RASEF: variants seen among roughly 807,000 people sequenced by gnomAD.
RASEF encodes the protein ras and EF-hand domain-containing protein.
Under a neutral mutation model 90.1 loss-of-function variants are expected in RASEF, and 68 were observed. The observed-to-expected ratio is 0.75, with a 90% CI of 0.62 to 0.92. RASEF has a LOEUF of 0.92. Among genes scored for constraint, RASEF ranks in the 40% least tolerant of loss-of-function variants. The probability of loss-of-function intolerance (pLI) is 0.00; values close to 1 mark genes in which losing one functional copy is unlikely to be tolerated. For synonymous variants in RASEF, 331 were observed against 345.2 expected, an observed-to-expected ratio of 0.96 and a Z score of 0.46; for missense variants, 949 against 937.2, an observed-to-expected ratio of 1.01 and a Z score of -0.16.
the RASEF span, among the ~76,000 whole-genome samples, chr9:83,206,690 G>A: frequency 2.2e-3 from 334 of 152,332 alleles, 4 homozygotes; most frequent in South Asian, 6.0e-3. Flanking sequence ...GCGAGTACGT[G>A]ATGAAGCCAG....
chr9:83,022,361 G>A lies in RASEF; in HGVS notation c.644C>T (p.Ala215Val). 1 of 1,613,946 alleles carries A rather than the reference G, an allele frequency of 6.2e-7. No homozygotes were observed. The change falls in exon 3 of 17, where the codon GCT becomes GTT. Residue 215 changes from alanine (A) to valine (V), a missense_variant. Ala to Val is a moderately conservative substitution (Grantham distance 64). This residue lies in a region of RASEF where 656 missense variants were observed against 592.2 expected (regional missense o/e 1.11). Transcript: ENST00000376447. ...GTCTTTCCGTGTCTTATGTTCTGCA[G>A]CCTGAATCCTCTGATCCATTTCCTC... ...LEEEMDQRIQAAEHKTRKDEK... is the reference protein window; with the variant it reads ...LEEEMDQRIQVAEHKTRKDEK...
At position 83,062,444 on chromosome 9, in the gene RASEF, T is replaced by TG; in HGVS notation, c.423dup (p.Ile142HisfsTer8). 1 of 1,612,862 alleles carries TG rather than the reference T, an allele frequency of 6.2e-7. No homozygotes were observed. The highest frequency in any genetic ancestry group is 8.5e-7 in the Non-Finnish European group (1 of 1,179,612). On this transcript the variant is annotated frameshift_variant, in exon 1 of 17. Coordinates refer to ENST00000376447, the MANE Select transcript of RASEF (RefSeq NM_152573.4). LOFTEE classifies it high-confidence loss of function. The stretch of plus-strand genomic sequence containing the variant: ...CCCAGCTCACACTCGCACCTGGGAA[T>TG]GAACTTGGCTTCGTCCCCAAGTCGC...
chr9:83,155,375 AG>A, the RASEF span, among the ~76,000 whole-genome samples: 2 of 152,162 alleles, frequency 1.3e-5, no homozygotes, highest in Non-Finnish European at 2.9e-5. Context: ...GAGGCCAGGG[AG>A]GCCTCACAAT....
chr9:83,022,255 A>C, intron 3 of RASEF, 81 bp downstream of exon 3: 1 of 1,018,910 alleles, frequency 9.8e-7, no homozygotes, highest in South Asian at 1.3e-5. Context: ...CCTGCATGAC[A>C]CCCAGAAGAG....
At chr9:83,010,196 A>C (rs185952476) in intron 5 of RASEF, among the ~76,000 whole-genome samples, 1 of 152,310 alleles carries the variant, frequency 6.6e-6, no homozygotes, top group East Asian at 1.9e-4. Context: ...TAATATTTTA[A>C]GTTTTACACT....
rs1327744309 is a variant in RASEF, at chr9:83,052,188, T to C, written c.431+10249A>G. ...CCATCTGGTCCTGGACTCTTTTTGG[T>C]TGGTAAACTATTGATTATTGCCACA... On this transcript the variant is annotated intron_variant, in intron 1 of 16. Transcript: ENST00000376447. Among the ~76,000 whole-genome samples the C allele has an allele frequency of 3.0e-5, 4 of 131,922 alleles. No homozygotes were observed. The East Asian group carries it at 9.3e-4, about 31-fold the overall frequency. 86.5% of individuals were successfully genotyped at this position (131,922 alleles called of 152,430 possible). A position where few individuals can be genotyped will look rare whatever the true frequency, so the allele number is the denominator to read the frequency against.
At chr9:83,153,377 GA>G in the RASEF span, among the ~76,000 whole-genome samples, 1 of 152,062 alleles carries the variant, frequency 6.6e-6, no homozygotes, top group Non-Finnish European at 1.5e-5. Flanking sequence ...CTGCTTATAT[GA>G]AATTTCTTGT....
chr9:83,095,180 G>T, the RASEF span, among the ~76,000 whole-genome samples: 1 of 152,086 alleles, frequency 6.6e-6, no homozygotes, highest in Non-Finnish European at 1.5e-5. Flanking sequence ...ATCCTAGAAG[G>T]TAGCTGTATA....
chr9:83,056,924 G>C (rs976812331), intron 1 of RASEF, among the ~76,000 whole-genome samples: 1 of 152,228 alleles, frequency 6.6e-6, no homozygotes, highest in African/African-American at 2.4e-5. Context: ...CTAACACTGA[G>C]AGCCTTCTAA....
At chr9:83,106,141 T>G in the RASEF span, among the ~76,000 whole-genome samples, 1 of 152,182 alleles carries the variant, frequency 6.6e-6, no homozygotes. Flanking sequence ...ATCTAAATCC[T>G]TGGGCTAGCT....
the RASEF span, among the ~76,000 whole-genome samples, chr9:83,121,115 G>C: frequency 3.3e-5 from 5 of 152,104 alleles, no homozygotes; most frequent in African/African-American, 1.2e-4. Flanking sequence ...GTTTGTCAAG[G>C]AGTGCAATTA....
At chr9:83,081,902 A>G in the RASEF span, among the ~76,000 whole-genome samples, 10 of 152,204 alleles carry the variant, frequency 6.6e-5, no homozygotes, top group Non-Finnish European at 1.0e-4. Flanking sequence ...AGTCAATTAA[A>G]TGTTTTATTT....
chr9:83,208,848 G>C, the RASEF span, among the ~76,000 whole-genome samples: 3 of 152,166 alleles, frequency 2.0e-5, no homozygotes, highest in Non-Finnish European at 4.4e-5. Context: ...GATGATCTCA[G>C]ATAACCCTTT....
At chr9:83,124,286 G>A in the RASEF span, among the ~76,000 whole-genome samples, 1 of 152,148 alleles carries the variant, frequency 6.6e-6, no homozygotes, top group Admixed American at 6.5e-5. Flanking sequence ...TCAAGTTCCT[G>A]CCTTCAATTC....
chr9:83,010,384 C>T (rs1230085244), intron 5 of RASEF, among the ~76,000 whole-genome samples: 2 of 151,986 alleles, frequency 1.3e-5, no homozygotes, highest in Non-Finnish European at 2.9e-5. Flanking sequence ...GAAGAGCAGC[C>T]CAGAGCATTC....
At chr9:83,040,531 T>A (rs1829820077) in intron 1 of RASEF, among the ~76,000 whole-genome samples, 1 of 152,192 alleles carries the variant, frequency 6.6e-6, no homozygotes, top group Non-Finnish European at 1.5e-5. Flanking sequence ...AATGATTTAT[T>A]AATATACTAC....
At chr9:82,996,442 T>C (rs1359710886) in intron 14 of RASEF, among the ~76,000 whole-genome samples, 1 of 152,180 alleles carries the variant, frequency 6.6e-6, no homozygotes, top group African/African-American at 2.4e-5. Context: ...AAAGACATCA[T>C]CTTATTTAAC....
At chr9:83,107,500 T>C in the RASEF span, among the ~76,000 whole-genome samples, 29 of 152,158 alleles carry the variant, frequency 1.9e-4, no homozygotes, top group Non-Finnish European at 3.8e-4. Flanking sequence ...AAACCTCTGT[T>C]TTCTATTTCC....
the RASEF span, among the ~76,000 whole-genome samples, chr9:83,137,307 G>A: frequency 6.6e-6 from 1 of 152,084 alleles, no homozygotes; most frequent in Non-Finnish European, 1.5e-5. Flanking sequence ...GACTGAACCT[G>A]ATAGTAGATA....
Sources: allele counts gnomAD v4.1 joint callset (sites outside exome capture counted in the v4.1 genomes callset), GRCh38; gene constraint gnomAD v4.1.1; regional missense constraint gnomAD v4.1.1; transcripts MANE v1.5; gene names NCBI Gene and HGNC (gene_info 2026-07-23, HGNC 2026-07-21).